TCF12: variants seen among roughly 807,000 people sequenced by gnomAD.
The protein encoded by TCF12 is transcription factor 12.
TCF12 carries 45 observed loss-of-function variants against 86.0 expected under a neutral mutation model. The ratio of observed to expected loss-of-function variants is 0.52; its 90% CI spans 0.41 to 0.67. The LOEUF (loss-of-function observed/expected upper bound fraction) is 0.67, where lower values mean the gene tolerates loss of function less well. TCF12 is among the 30% of genes least tolerant of loss of function. The pLI is 0.00. For synonymous variants in TCF12, 330 were observed against 299.6 expected (o/e 1.10, Z -1.05); for missense variants, 881 against 859.9 (o/e 1.02, Z -0.31).
chr15:57,036,964 C>T (rs1176717992), intron 3 of TCF12, among the ~76,000 whole-genome samples: 5 of 152,118 alleles, frequency 3.3e-5, no homozygotes, highest in African/African-American at 1.2e-4. Flanking sequence ...ATTGGGACAG[C>T]TGCACATAAC....
intron 3 of TCF12, among the ~76,000 whole-genome samples, chr15:56,990,250 CGTGTGCGTGT>C (rs1483731715): frequency 1.6e-5 from 2 of 126,298 alleles, no homozygotes; most frequent in Non-Finnish European, 3.2e-5. Context: ...TCTGTGTGTG[CGTGTGCGTGT>C]GTGTGTGTGT....
In TCF12 at chr15:57,213,846, G is replaced by C. The variant is rs181407176; in HGVS notation, c.579+16021G>C. On this transcript the variant is annotated intron_variant, in intron 8 of 20. Transcript: ENST00000333725. ...TACAGTTTTGTTTTGTTGTTAGATTGCCTAACGAGTCAATAGCGCAAAGCC... is the reference window on the plus strand; with the variant it reads ...TACAGTTTTGTTTTGTTGTTAGATTCCCTAACGAGTCAATAGCGCAAAGCC... Among the ~76,000 whole-genome samples the C allele has an allele frequency of 2.2e-3, 336 of 152,296 alleles. 1 individual carries two copies. Among genetic ancestry groups the C allele is most frequent in the Middle Eastern group, 0.017 (5 of 294 alleles).
chr15:57,228,947 A>G lies in TCF12; in HGVS notation c.580-2205A>G, dbSNP rs543540277. On this transcript the variant is annotated intron_variant, in intron 8 of 20. Coordinates refer to ENST00000333725, the MANE Select transcript of TCF12 (RefSeq NM_207037.2). ...TTCAGTCTATAACCTGGATAAAATT[A>G]GAGAATTTTATATTTCATACTTACA... Among the ~76,000 whole-genome samples, 5 of 152,130 alleles carry G rather than the reference A, an allele frequency of 3.3e-5. No homozygotes were observed. The East Asian group carries it at 9.6e-4, about 29-fold the overall frequency.
At chr15:57,245,098 G>A (rs375370440) in intron 13 of TCF12, among the ~76,000 whole-genome samples, 3 of 152,324 alleles carry the variant, frequency 2.0e-5, no homozygotes. Flanking sequence ...TCCTAATCAA[G>A]CCATTAGTTA....
chr15:57,037,863 G>A (rs1271149425), intron 3 of TCF12, among the ~76,000 whole-genome samples: 15 of 152,092 alleles, frequency 9.9e-5, no homozygotes, highest in African/African-American at 3.6e-4. Flanking sequence ...TATTTCTATT[G>A]CTAGTGCTAA....
chr15:57,023,703 A>C (rs951733861), intron 3 of TCF12, among the ~76,000 whole-genome samples: 2 of 152,186 alleles, frequency 1.3e-5, no homozygotes, highest in Admixed American at 6.5e-5. Flanking sequence ...AAAACAATAA[A>C]TTGGAGAAAA....
At chr15:57,132,990 T>A (rs1389629403) in intron 5 of TCF12, among the ~76,000 whole-genome samples, 1 of 152,226 alleles carries the variant, frequency 6.6e-6, no homozygotes, top group African/African-American at 2.4e-5. Context: ...ACATTTAAAT[T>A]TTTTTCATGG....
At chr15:57,070,128 G>T (rs971981525) in intron 4 of TCF12, among the ~76,000 whole-genome samples, 8 of 152,106 alleles carry the variant, frequency 5.3e-5, no homozygotes, top group African/African-American at 1.7e-4. Context: ...GTGTGGTGAT[G>T]ATTTAGCTTT....
intron 20 of TCF12, among the ~76,000 whole-genome samples, chr15:57,285,021 G>A (rs916207603): frequency 6.6e-6 from 1 of 152,202 alleles, no homozygotes. Context: ...TCCATAGATT[G>A]TATAGGCTAG....
At position 57,087,049 on chromosome 15, in the gene TCF12, CTG is replaced by C. The variant is rs1394715252; in HGVS notation, c.223-4738_223-4737del. On this transcript the variant is annotated intron_variant, in intron 4 of 20. Coordinates refer to ENST00000333725, the MANE Select transcript of TCF12 (RefSeq NM_207037.2). ...TCTGTCTCTTCCCCTCTCTCTCCCT[CTG>C]TCTCCCTCTGTCTCCCTCTCTCTCC... Among the ~76,000 whole-genome samples, 13 of 148,230 alleles carry C rather than the reference CTG, an allele frequency of 8.8e-5. No homozygotes were observed. The South Asian group carries it at 1.9e-3, about 22-fold the overall frequency.
intron 3 of TCF12, among the ~76,000 whole-genome samples, chr15:56,985,308 G>A (rs1044969885): frequency 1.3e-5 from 2 of 152,112 alleles, no homozygotes; most frequent in Non-Finnish European, 2.9e-5. Context: ...CAAAGAATGA[G>A]GCAATTAAAT....
At chr15:57,275,256 G>A (rs183759196) in intron 19 of TCF12, among the ~76,000 whole-genome samples, 17 of 143,614 alleles carry the variant, frequency 1.2e-4, no homozygotes, top group African/African-American at 3.8e-4. Flanking sequence ...ACTTCTCCCC[G>A]GCCTTCAGAC....
intron 8 of TCF12, among the ~76,000 whole-genome samples, chr15:57,214,639 T>A (rs1368728945): frequency 2.6e-5 from 4 of 152,210 alleles, no homozygotes; most frequent in South Asian, 4.1e-4. Context: ...TTATGAATTT[T>A]AGCATGTGTC....
chr15:57,014,853 C>T (rs2065054214), intron 3 of TCF12, among the ~76,000 whole-genome samples: 1 of 143,460 alleles, frequency 7.0e-6, no homozygotes, highest in South Asian at 2.3e-4. Context: ...TATAATGGTT[C>T]TCTGGACCTT....
intron 4 of TCF12, among the ~76,000 whole-genome samples, chr15:57,068,253 A>G (rs755658564): frequency 6.6e-6 from 1 of 152,172 alleles, no homozygotes; most frequent in Non-Finnish European, 1.5e-5. Context: ...ATATATGGAA[A>G]TTGCATAGAT....
intron 3 of TCF12, among the ~76,000 whole-genome samples, chr15:57,031,568 C>G (rs552300888): frequency 6.6e-6 from 1 of 152,290 alleles, no homozygotes; most frequent in East Asian, 1.9e-4. Flanking sequence ...AGTGAACACA[C>G]AGCACTCTTT....
intron 3 of TCF12, among the ~76,000 whole-genome samples, chr15:56,962,087 T>G (rs1042531984): frequency 1.4e-5 from 2 of 142,190 alleles, no homozygotes; most frequent in Non-Finnish European, 3.0e-5. Flanking sequence ...GAGCCGAGAC[T>G]GCGCCACTGT....
At position 56,968,383 on chromosome 15, in the gene TCF12, T is replaced by TG. The variant is rs1254813339; in HGVS notation, c.148+47290dup. On this transcript the variant is annotated intron_variant, in intron 3 of 20. Coordinates refer to ENST00000333725, the MANE Select transcript of TCF12 (RefSeq NM_207037.2). ...TTTTTTGTTTTTTTTTTTTTTGAAA[T>TG]GGGGGTCTCACTGTGTTGCCCAGGC... Among the ~76,000 whole-genome samples the TG allele has an allele frequency of 5.4e-5, 8 of 147,640 alleles. No homozygotes were observed. The South Asian group carries it at 6.5e-4, about 12-fold the overall frequency.
At chr15:57,264,855 G>T (rs1158572874) in intron 18 of TCF12, among the ~76,000 whole-genome samples, 1 of 152,020 alleles carries the variant, frequency 6.6e-6, no homozygotes, top group Non-Finnish European at 1.5e-5. Flanking sequence ...TCAGCCTCCA[G>T]AGTAGCTGGG....
Sources: gnomAD v4.1 joint callset for allele counts (sites outside exome capture counted in the v4.1 genomes callset) on GRCh38, gnomAD v4.1.1 for gene constraint, MANE v1.5 for transcripts, NCBI Gene and HGNC (gene_info 2026-07-23, HGNC 2026-07-21) for gene names.